The following DLC1 variants were observed in gnomAD, a reference collection of about 807,000 sequenced individuals.
DLC1 encodes the protein DLC1 Rho GTPase activating protein.
DLC1 carries 54 observed loss-of-function variants against 140.3 expected under a neutral mutation model. That is an observed-to-expected ratio of 0.38 (90% CI 0.31 to 0.48). DLC1 has a LOEUF of 0.48. DLC1 is among the 20% of genes least tolerant of loss of function. The pLI is 0.96. For synonymous variants in DLC1, 986 were observed against 728.1 expected (o/e 1.35, Z -5.70); for missense variants, 2,536 against 1,907.0 (o/e 1.33, Z -6.14).
intron 4 of DLC1, among the ~76,000 whole-genome samples, chr8:13,392,903 C>G (rs1487252360): frequency 6.6e-6 from 1 of 152,164 alleles, no homozygotes; most frequent in African/African-American, 2.4e-5. Context: ...TTATGCATTA[C>G]TTATTCTGCA....
In DLC1 at chr8:13,539,207, G is replaced by GTATGTATGTATT. The variant is rs1330933976; in HGVS notation, c.-125-39012_-125-39011insAATACATACATA. Among the ~76,000 whole-genome samples the GTATGTATGTATT allele has an allele frequency of 3.3e-5, 5 of 152,000 alleles. No homozygotes were observed. In the East Asian group the frequency reaches 9.7e-4, roughly 30 times the overall value. ...TGTGTGTATGTATGTATGTATGTAT[G>GTATGTATGTATT]TATTTATTTTGACACAGAGTCTCGC... On this transcript the variant is annotated intron_variant, in intron 1 of 1. Transcript: ENST00000631382.
intron 4 of DLC1, among the ~76,000 whole-genome samples, chr8:13,358,651 A>G (rs896002728): frequency 2.0e-5 from 3 of 151,952 alleles, no homozygotes; most frequent in African/African-American, 7.2e-5. Context: ...AAAGTTTTCT[A>G]GTACCCTCAA....
intron 5 of DLC1, among the ~76,000 whole-genome samples, chr8:13,289,684 G>A (rs1372672296): frequency 6.6e-6 from 1 of 152,190 alleles, no homozygotes; most frequent in Non-Finnish European, 1.5e-5. Context: ...ATTCCAAGAT[G>A]TGAATAAAAT....
intron 5 of DLC1, among the ~76,000 whole-genome samples, chr8:13,146,523 G>C (rs886269129): frequency 1.3e-5 from 2 of 151,460 alleles, no homozygotes; most frequent in Non-Finnish European, 2.9e-5. Context: ...TATTGTCAAA[G>C]CCAAATAATA....
chr8:13,122,057 C>T (rs773201184), intron 5 of DLC1, among the ~76,000 whole-genome samples: 4 of 152,272 alleles, frequency 2.6e-5, no homozygotes, highest in Non-Finnish European at 4.4e-5. Context: ...AGCCTCCTCA[C>T]GGAACTCTGA....
At chr8:13,497,024 T>C (rs757807365) in intron 2 of DLC1, among the ~76,000 whole-genome samples, 46 of 151,904 alleles carry the variant, frequency 3.0e-4, no homozygotes, top group Non-Finnish European at 5.3e-4. Flanking sequence ...ATGGTCTCGA[T>C]CTCCTGACCT....
chr8:13,401,456 A>G lies in DLC1; in HGVS notation c.1173+14T>C. The G allele has an allele frequency of 6.2e-7, 1 of 1,611,302 alleles. No homozygotes were observed. The highest frequency in any genetic ancestry group is 8.5e-7 in the Non-Finnish European group (1 of 1,179,578). On this transcript the variant is annotated intron_variant, in intron 3 of 17. Coordinates refer to ENST00000276297, the MANE Select transcript of DLC1 (RefSeq NM_182643.3). ...GACTCCTATGGGAAAAGAAGTAGAAAGTGGAAAGCTCACAGGAACGTGCCG... is the reference window on the plus strand; with the variant it reads ...GACTCCTATGGGAAAAGAAGTAGAAGGTGGAAAGCTCACAGGAACGTGCCG...
At chr8:13,438,986 A>G (rs1014313191) in intron 2 of DLC1, among the ~76,000 whole-genome samples, 1 of 152,200 alleles carries the variant, frequency 6.6e-6, no homozygotes, top group African/African-American at 2.4e-5. Flanking sequence ...CATAGACACT[A>G]TGTATACAAA....
chr8:13,578,985 C>T (rs1282133048), intron 1 of DLC1, among the ~76,000 whole-genome samples: 1 of 151,750 alleles, frequency 6.6e-6, no homozygotes, highest in Non-Finnish European at 1.5e-5. Flanking sequence ...GTTGGTTCCT[C>T]TGGCAACCGG....
intron 5 of DLC1, among the ~76,000 whole-genome samples, chr8:13,249,645 T>C (rs909121210): frequency 3.9e-5 from 6 of 152,168 alleles, no homozygotes; most frequent in African/African-American, 1.2e-4. Flanking sequence ...TCTCTCTCTT[T>C]CTCTTTCTGT....
At chr8:13,424,779 T>C (rs545541890) in intron 2 of DLC1, among the ~76,000 whole-genome samples, 2 of 152,188 alleles carry the variant, frequency 1.3e-5, no homozygotes, top group East Asian at 3.9e-4. Flanking sequence ...TTCACCATGT[T>C]AGCCAGGATG....
At chr8:13,188,596 T>C (rs1441345114) in intron 5 of DLC1, among the ~76,000 whole-genome samples, 2 of 144,590 alleles carry the variant, frequency 1.4e-5, no homozygotes, top group Non-Finnish European at 3.0e-5. Context: ...CTATACAATG[T>C]CTATTACTTT....
intron 2 of DLC1, among the ~76,000 whole-genome samples, chr8:13,472,138 A>T (rs1800235905): frequency 6.6e-6 from 1 of 152,226 alleles, no homozygotes; most frequent in Admixed American, 6.5e-5. Flanking sequence ...CTCAAATAAC[A>T]AGCGCCAACT....
intron 5 of DLC1, among the ~76,000 whole-genome samples, chr8:13,126,378 C>CACACAG (rs1372018466): frequency 6.6e-6 from 1 of 151,794 alleles, no homozygotes; most frequent in African/African-American, 2.4e-5. Context: ...TACACACACA[C>CACACAG]ACACACACAC....
At chr8:13,282,028 G>C (rs1831381832) in intron 5 of DLC1, among the ~76,000 whole-genome samples, 1 of 152,134 alleles carries the variant, frequency 6.6e-6, no homozygotes, top group Non-Finnish European at 1.5e-5. Flanking sequence ...GAGATTCGAG[G>C]GTGGGAGAAG....
intron 5 of DLC1, among the ~76,000 whole-genome samples, chr8:13,237,367 C>G (rs1829335694): frequency 6.7e-6 from 1 of 150,312 alleles, no homozygotes; most frequent in Non-Finnish European, 1.5e-5. Flanking sequence ...TATACACACA[C>G]CACACACACA....
intron 2 of DLC1, among the ~76,000 whole-genome samples, chr8:13,414,621 T>C (rs1400809512): frequency 2.0e-5 from 3 of 152,112 alleles, no homozygotes; most frequent in African/African-American, 7.2e-5. Context: ...TTCTAAGAAG[T>C]GACATAATGG....
intron 2 of DLC1, among the ~76,000 whole-genome samples, chr8:13,457,757 G>A: frequency 6.7e-6 from 1 of 148,252 alleles, no homozygotes; most frequent in South Asian, 2.2e-4. Flanking sequence ...TTAGTTCAAT[G>A]ATGCAATTTA....
intron 4 of DLC1, among the ~76,000 whole-genome samples, chr8:13,363,557 G>A (rs1353162659): frequency 6.6e-6 from 1 of 152,078 alleles, no homozygotes; most frequent in East Asian, 1.9e-4. Context: ...CAGAAGGCAT[G>A]AGAGAGGTGA....
Sources: gnomAD v4.1 joint callset for allele counts (sites outside exome capture counted in the v4.1 genomes callset) on GRCh38, gnomAD v4.1.1 for gene constraint, MANE v1.5 for transcripts, NCBI Gene and HGNC (gene_info 2026-07-23, HGNC 2026-07-21) for gene names.